Variants in DGKA observed in about 807,000 individuals in gnomAD.
DGKA encodes diacylglycerol kinase alpha, also known as 80 kDa diacylglycerol kinase.
DGKA carries 35 observed loss-of-function variants against 105.0 expected under a neutral mutation model. The ratio of observed to expected loss-of-function variants is 0.33; its 90% confidence interval spans 0.25 to 0.44. DGKA has a LOEUF of 0.44. Among genes scored for constraint, DGKA ranks in the 20% least tolerant of loss-of-function variants. DGKA has a pLI of 1.00. For missense variants in DGKA, 665 were observed against 915.0 expected, an observed-to-expected ratio of 0.73 and a Z score of 3.53; for synonymous variants, 296 against 332.0, an observed-to-expected ratio of 0.89 and a Z score of 1.18.
In DGKA at chr12:55,933,983, G is replaced by T. The variant is rs1201512568; in HGVS notation, c.-81-2440G>T. On this transcript the variant is annotated intron_variant, in intron 1 of 23. Coordinates refer to ENST00000331886, the MANE Select transcript of DGKA (RefSeq NM_001345.5). ...CACATTGCGACTGATTTCTGTAGGTGCCCACTTTACTGATGAGAAAACTGA... is the reference window on the plus strand; with the variant it reads ...CACATTGCGACTGATTTCTGTAGGTTCCCACTTTACTGATGAGAAAACTGA... 7.9e-5 allele frequency among the ~76,000 whole-genome samples: 12 copies of T among 152,274 alleles called. No individual in the cohort carries two copies. In the East Asian group the frequency reaches 1.5e-3, roughly 20 times the overall value.
intron 1 of DGKA, chr12:55,936,125 C>T (rs552694373): frequency 2.5e-6 from 2 of 790,582 alleles, no homozygotes; most frequent in Non-Finnish European, 3.2e-6. Context: ...AAGCCGGGTG[C>T]GGGTGGGAAG....
At chr12:55,936,970 C>A in intron 2 of DGKA, 47 bp from the exon 3 acceptor site, 1 of 1,525,058 alleles carries the variant, frequency 6.6e-7, no homozygotes, top group South Asian at 1.1e-5. Context: ...GGCAAGAGAA[C>A]TCAGCTGGAC....
chr12:55,936,069 A>C, intron 1 of DGKA: 1 of 972,116 alleles, frequency 1.0e-6, no homozygotes, highest in Non-Finnish European at 1.2e-6. Context: ...AAGAAAGCGC[A>C]GAAACAGACA....
chr12:55,929,837 T>G (rs1249422521), upstream of DGKA: 1 of 152,210 alleles, frequency 6.6e-6, no homozygotes, highest in Admixed American at 6.5e-5. Flanking sequence ...TAAGACTGAT[T>G]CCACCTTATT....
intron 17 of DGKA, among the ~76,000 whole-genome samples, chr12:55,948,359 C>T (rs1031859523): frequency 1.3e-5 from 2 of 151,500 alleles, no homozygotes; most frequent in Non-Finnish European, 1.5e-5. Flanking sequence ...CGAGATCATG[C>T]CACTGCACTT....
upstream of DGKA, chr12:55,927,901 T>A: frequency 8.8e-7 from 1 of 1,134,530 alleles, no homozygotes; most frequent in Non-Finnish European, 1.2e-6. Flanking sequence ...GAGTGCCTCC[T>A]CGGGCTGGGC....
At chr12:55,943,716 G>A (rs1250371139) in intron 17 of DGKA, among the ~76,000 whole-genome samples, 1 of 151,756 alleles carries the variant, frequency 6.6e-6, no homozygotes, top group Non-Finnish European at 1.5e-5. Context: ...AGTAAAAGAT[G>A]TAACTAAAAG....
chr12:55,939,611 A>C (rs1036073222), intron 9 of DGKA, 82 bp downstream of exon 9: 7 of 1,406,646 alleles, frequency 5.0e-6, no homozygotes, highest in Non-Finnish European at 7.0e-6. Flanking sequence ...CTTAGAAAAG[A>C]CCTAGGTTTG....
rs1200177110 is a variant in DGKA at position 55,933,254 on chromosome 12, G to A, written c.-82+1910G>A. Among the ~76,000 whole-genome samples the A allele has an allele frequency of 1.4e-4, 21 of 152,120 alleles. No homozygotes were observed. The East Asian group carries it at 1.7e-3, about 13-fold the overall frequency. ...CTCAATTTCCTCCTCTGTAAAATAC[G>A]AGGGTTGGTGACTCCCAGCTCTGTG... is the stretch of plus-strand genomic sequence containing the variant. On this transcript the variant is annotated intron_variant, in intron 1 of 23. Transcript: ENST00000331886.
At position 55,953,402 on chromosome 12, in the gene DGKA, C is replaced by T; in HGVS notation, c.2116C>T (p.Pro706Ser). 1 of 1,614,140 alleles carries T rather than the reference C, an allele frequency of 6.2e-7. No homozygotes were observed. The highest frequency in any genetic ancestry group is 8.5e-7 in the Non-Finnish European group (1 of 1,180,010). ...QIDGEPWMQT[P>S]CTIKITHKNQ... is the part of the protein sequence containing the mutation. ...TGACGGAGAACCCTGGATGCAGACG[C>T]CCTGTACAGTGAGTATTGACGATCC... The change falls in exon 23 of 24, where the codon CCC becomes TCC. Residue 706 changes from proline to serine, a missense_variant. Around this residue, in one of 3 missense-constraint regions of DGKA, gnomAD observed 158 missense variants for 213.4 expected, o/e 0.74. Coordinates refer to ENST00000331886, the MANE Select transcript of DGKA (RefSeq NM_001345.5).
chr12:55,939,783 A>G (rs1301768656), intron 9 of DGKA: 3 of 587,532 alleles, frequency 5.1e-6, no homozygotes, highest in African/African-American at 1.9e-5. Flanking sequence ...ATAAAATGCA[A>G]TAAAAAATAT....
chr12:55,936,744 C>A (rs1407693417), intron 2 of DGKA, 177 bp downstream of exon 2: 2 of 986,866 alleles, frequency 2.0e-6, no homozygotes, highest in Non-Finnish European at 3.2e-6. Context: ...AGAAAAAGAT[C>A]CGGATCTACC....
chr12:55,952,184 A>G lies in DGKA; in HGVS notation c.1652+85A>G. The G allele has an allele frequency of 6.3e-7, 1 of 1,578,402 alleles. No homozygotes were observed. The highest frequency in any genetic ancestry group is 1.7e-5 in the Admixed American group (1 of 59,758). ...AGTTTGACTCAGATTGCTCAGAAGAACAGTGGCACCTCTAGGAGGTCCCCC... is the reference window on the plus strand; with the variant it reads ...AGTTTGACTCAGATTGCTCAGAAGAGCAGTGGCACCTCTAGGAGGTCCCCC... On this transcript the variant is annotated intron_variant, in intron 19 of 23. Transcript: ENST00000331886. The surrounding 1 kb of genome is among the most constrained non-coding windows in gnomAD (Gnocchi z 5.1).
At chr12:55,943,699 C>T (rs1176396235) in intron 17 of DGKA, among the ~76,000 whole-genome samples, 4 of 151,464 alleles carry the variant, frequency 2.6e-5, no homozygotes, top group African/African-American at 7.3e-5. Flanking sequence ...AGGGGGAACT[C>T]GATGTAAGTA....
chr12:55,952,879 G>A lies in DGKA; in HGVS notation c.1889G>A (p.Gly630Asp). Residue 630 changes from glycine (G) to aspartate (D), a missense_variant, in exon 21 of 24, where the codon GGT becomes GAT. Physicochemically the swap from Gly to Asp is moderately conservative, Grantham distance 94 (BLOSUM62 -1). This residue lies in a region of DGKA where 158 missense variants were observed against 213.4 expected (regional missense o/e 0.74). Coordinates refer to ENST00000331886, the MANE Select transcript of DGKA (RefSeq NM_001345.5). This position sits in a 1 kb window ranked among gnomAD's most constrained non-coding sequence, Gnocchi z 5.1. Reference protein sequence around the residue: ...GDIYGINQALGATAKVITDPD... With the variant: ...GDIYGINQALDATAKVITDPD... ...ATCTATGGGATCAACCAGGCCTTAG[G>A]TGCTACAGCTAAAGTCATCACCGAC... 6.2e-7 allele frequency: 1 copy of A among 1,614,174 alleles called. No individual in the cohort carries two copies. The highest frequency in any genetic ancestry group is 8.5e-7 in the Non-Finnish European group (1 of 1,180,040).
intron 15 of DGKA, 53 bp from the exon 16 acceptor site, chr12:55,941,945 G>A: frequency 6.3e-7 from 1 of 1,588,048 alleles, no homozygotes; most frequent in Non-Finnish European, 8.6e-7. Context: ...TCAGGACTTG[G>A]GTAGCCTCAG....
intron 13 of DGKA, 128 bp downstream of exon 13, chr12:55,941,108 G>A (rs1001704731): frequency 1.2e-5 from 16 of 1,346,434 alleles, no homozygotes; most frequent in African/African-American, 5.8e-5. Flanking sequence ...ACTCCACCAT[G>A]GTAGGGGAGG....
intron 3 of DGKA, 63 bp from the exon 4 acceptor site, chr12:55,937,345 C>T: frequency 6.3e-7 from 1 of 1,577,798 alleles, no homozygotes; most frequent in Non-Finnish European, 8.6e-7. Context: ...CCGCTACTCC[C>T]AATTCTTCAG....
chr12:55,942,265 T>C lies in DGKA; in HGVS notation c.1426+2T>C. 1 of 1,613,740 alleles carries C rather than the reference T, an allele frequency of 6.2e-7. No individual in the cohort carries two copies. Among genetic ancestry groups the C allele is most frequent in the Non-Finnish European group, 8.5e-7 (1 of 1,179,868 alleles). Reference sequence around the variant, plus strand: ...CTCGATGCCTAAGATGGGGAGGAGGTAAGTGGTTAGAAATTGTTTTGCTGT... The same window carrying C: ...CTCGATGCCTAAGATGGGGAGGAGGCAAGTGGTTAGAAATTGTTTTGCTGT... On this transcript the variant is annotated splice_donor_variant, in intron 17 of 23. Coordinates refer to ENST00000331886, the MANE Select transcript of DGKA (RefSeq NM_001345.5). LOFTEE classifies it high-confidence loss of function.
Sources: allele counts gnomAD v4.1 joint callset (sites outside exome capture counted in the v4.1 genomes callset), GRCh38; gene constraint gnomAD v4.1.1; regional missense constraint gnomAD v4.1.1; non-coding constraint Gnocchi (gnomAD v3.1); transcripts MANE v1.5; gene names NCBI Gene and HGNC (gene_info 2026-07-23, HGNC 2026-07-21).